Variants in OSBPL6 observed in about 807,000 individuals in gnomAD.
OSBPL6 encodes oxysterol binding protein like 6, also known as oxysterol-binding protein-related protein 6.
OSBPL6 carries 49 observed loss-of-function variants against 125.8 expected under a neutral mutation model. The ratio of observed to expected loss-of-function variants is 0.39; its 90% CI spans 0.31 to 0.49. The LOEUF (loss-of-function observed/expected upper bound fraction) is 0.49. Among genes scored for constraint, OSBPL6 ranks in the 20% least tolerant of loss-of-function variants. OSBPL6 has a pLI of 0.88. For missense variants in OSBPL6, 986 were observed against 1,135.4 expected (o/e 0.87, Z 1.89); for synonymous variants, 394 against 391.8 (o/e 1.01, Z -0.07).
intron 20 of OSBPL6, among the ~76,000 whole-genome samples, chr2:178,387,683 C>T (rs1161229548): frequency 2.0e-5 from 3 of 152,112 alleles, no homozygotes; most frequent in Admixed American, 6.6e-5. Flanking sequence ...GGGAGGTATT[C>T]CTAGGACCAC....
chr2:178,366,164 T>A lies in OSBPL6; in HGVS notation c.1287+4349T>A, dbSNP rs191570733. ...ACCTCGGACTCCCGAAGTGCTGGGATTATAGGCATGAACCACTGCACCCAG... is the reference window on the plus strand; with the variant it reads ...ACCTCGGACTCCCGAAGTGCTGGGAATATAGGCATGAACCACTGCACCCAG... On this transcript the variant is annotated intron_variant, in intron 13 of 24. Transcript: ENST00000190611. 7.2e-5 allele frequency among the ~76,000 whole-genome samples: 11 copies of A among 152,330 alleles called. No individual in the cohort carries two copies. The East Asian group carries it at 2.1e-3, about 29-fold the overall frequency.
chr2:178,373,764 G>A, intron 14 of OSBPL6, 126 bp from the exon 15 acceptor site: 1 of 1,166,458 alleles, frequency 8.6e-7, no homozygotes, highest in Non-Finnish European at 1.2e-6. Context: ...AATTGCAAGT[G>A]AAAATTGCTT....
At chr2:178,374,170 A>G (rs1693659208) in intron 15 of OSBPL6, 143 bp downstream of exon 15, 1 of 1,023,666 alleles carries the variant, frequency 9.8e-7, no homozygotes, top group Admixed American at 2.5e-5. Context: ...ATTGCAGCAA[A>G]GCTAAAAGCA....
intron 13 of OSBPL6, among the ~76,000 whole-genome samples, chr2:178,362,642 C>T (rs1054911144): frequency 4.6e-5 from 7 of 152,134 alleles, no homozygotes; most frequent in African/African-American, 1.4e-4. Flanking sequence ...AGTGGTTCTC[C>T]GCGTGGAGCA....
intron 1 of OSBPL6, among the ~76,000 whole-genome samples, chr2:178,210,394 T>G (rs939370329): frequency 2.0e-5 from 3 of 148,702 alleles, no homozygotes; most frequent in Non-Finnish European, 4.5e-5. Context: ...TAGGACACCT[T>G]AGTATTTTAC....
intron 1 of OSBPL6, among the ~76,000 whole-genome samples, chr2:178,214,315 C>T (rs1401275765): frequency 6.6e-6 from 1 of 152,186 alleles, no homozygotes; most frequent in Non-Finnish European, 1.5e-5. Context: ...GCTAACTGTT[C>T]AGCTGTTACA....
rs1244485308 is a variant in OSBPL6 at position 178,236,793 on chromosome 2, G to A, written c.-351+42119G>A. On this transcript the variant is annotated intron_variant, in intron 1 of 24. Coordinates refer to ENST00000190611, the MANE Select transcript of OSBPL6 (RefSeq NM_032523.4). ...TAATTTGAAACAGTTTATCCTCCAG[G>A]ATTTGAGACCCCAGAATTACCGTCT... Among the ~76,000 whole-genome samples the A allele has an allele frequency of 2.0e-5, 3 of 152,062 alleles. No individual in the cohort carries two copies. In the East Asian group the frequency reaches 5.8e-4, roughly 29 times the overall value.
chr2:178,295,889 T>C (rs1685705026), intron 2 of OSBPL6, among the ~76,000 whole-genome samples: 1 of 152,196 alleles, frequency 6.6e-6, no homozygotes. Flanking sequence ...ATAAAAACCA[T>C]TTAGGAATAT....
At chr2:178,345,950 A>G (rs989865318) in intron 11 of OSBPL6, among the ~76,000 whole-genome samples, 3 of 152,232 alleles carry the variant, frequency 2.0e-5, no homozygotes, top group Admixed American at 2.0e-4. Flanking sequence ...AGAAGAAATC[A>G]TTAATGCCCA....
intron 1 of OSBPL6, among the ~76,000 whole-genome samples, chr2:178,268,734 A>G (rs948894913): frequency 5.3e-5 from 8 of 151,882 alleles, no homozygotes; most frequent in African/African-American, 1.7e-4. Context: ...CTATTCCACA[A>G]TATTCTATAT....
In OSBPL6 at chr2:178,231,922, C is replaced by T. The variant is rs200708711; in HGVS notation, c.-351+37248C>T. 1.4e-4 allele frequency among the ~76,000 whole-genome samples: 22 copies of T among 152,226 alleles called. No individual in the cohort carries two copies. The East Asian group carries it at 4.2e-3, about 29-fold the overall frequency. On this transcript the variant is annotated intron_variant, in intron 1 of 24. Transcript: ENST00000190611. The stretch of plus-strand genomic sequence containing the variant: ...AGCATCCTTTTTAATCTCTGCAAAT[C>T]TATTAAGCAAATTTATAAACTTAAA...
intron 1 of OSBPL6, among the ~76,000 whole-genome samples, chr2:178,264,863 AG>A (rs2092178560): frequency 6.6e-6 from 1 of 152,072 alleles, no homozygotes; most frequent in African/African-American, 2.4e-5. Context: ...CCACCCAAAA[AG>A]TTTGCATAGG....
At chr2:178,319,972 C>A (rs1182898940) in intron 3 of OSBPL6, among the ~76,000 whole-genome samples, 1 of 152,152 alleles carries the variant, frequency 6.6e-6, no homozygotes, top group Non-Finnish European at 1.5e-5. Flanking sequence ...TTACTACTGT[C>A]CTAAATTTAT....
chr2:178,353,448 A>G (rs1289442532), intron 12 of OSBPL6, among the ~76,000 whole-genome samples: 2 of 152,240 alleles, frequency 1.3e-5, no homozygotes, highest in South Asian at 2.1e-4. Flanking sequence ...TTTGTGATGC[A>G]TGCCCAAGCT....
intron 21 of OSBPL6, 99 bp from the exon 22 acceptor site, chr2:178,390,974 T>C (rs1236252325): frequency 6.8e-7 from 1 of 1,470,392 alleles, no homozygotes; most frequent in East Asian, 2.3e-5. Context: ...ATGGTTTGAA[T>C]AAGGGACTTC....
chr2:178,204,765 G>A (rs1030558622), intron 1 of OSBPL6, among the ~76,000 whole-genome samples: 1 of 152,160 alleles, frequency 6.6e-6, no homozygotes, highest in African/African-American at 2.4e-5. Context: ...TAGCCAGTGC[G>A]GTGAAGAGGA....
At chr2:178,229,445 G>A (rs1262004999) in intron 1 of OSBPL6, among the ~76,000 whole-genome samples, 1 of 152,144 alleles carries the variant, frequency 6.6e-6, no homozygotes, top group Non-Finnish European at 1.5e-5. Context: ...GGAAAAGCAG[G>A]TCTAGATCAT....
intron 9 of OSBPL6, among the ~76,000 whole-genome samples, chr2:178,337,949 C>CTTTTTTTTTTT (rs755944128): frequency 3.6e-5 from 5 of 139,182 alleles, no homozygotes; most frequent in East Asian, 2.1e-4. Context: ...TCAGTATTCT[C>CTTTTTTTTTTT]TTTTTTTTTT....
At chr2:178,289,070 T>C (rs1684995398) in intron 2 of OSBPL6, among the ~76,000 whole-genome samples, 1 of 146,470 alleles carries the variant, frequency 6.8e-6, no homozygotes, top group Non-Finnish European at 1.5e-5. Flanking sequence ...TAGGCTGGAG[T>C]AGAGTGGTGC....
Sources: allele counts gnomAD v4.1 joint callset (sites outside exome capture counted in the v4.1 genomes callset), GRCh38; gene constraint gnomAD v4.1.1; transcripts MANE v1.5; gene names NCBI Gene and HGNC (gene_info 2026-07-23, HGNC 2026-07-21).